Variants in RPS9 observed in about 807,000 individuals in gnomAD.
The protein encoded by RPS9 is ribosomal protein S9, also known as small ribosomal subunit protein uS4.
In RPS9, 1 loss-of-function variant was observed where a neutral mutation model predicts 16.9. That is an observed-to-expected ratio of 0.06 (90% CI 0.02 to 0.28). The LOEUF (loss-of-function observed/expected upper bound fraction) is 0.28, where lower values mean the gene tolerates loss of function less well. RPS9 is among the 10% of genes least tolerant of loss of function. The pLI, the probability that RPS9 is intolerant of heterozygous loss-of-function variation, is 1.00. For synonymous variants in RPS9, 106 were observed against 110.9 expected (o/e 0.96, Z 0.28); for missense variants, 137 against 273.2 (o/e 0.50, Z 3.51).
In RPS9 at chr19:54,201,285, A is replaced by G. The variant is rs758545331; in HGVS notation, c.97+4A>G. ...GACCAAGAGCTGAAGCTGATCGGTG[A>G]GTGGCCAAGGCTTCCGGGAAGTGGT... On this transcript the variant is annotated splice_donor_region_variant and intron_variant, in intron 2 of 4. Transcript: ENST00000302907. 7.4e-5 allele frequency: 120 copies of G among 1,613,956 alleles called. No homozygotes were observed. Among genetic ancestry groups the G allele is most frequent in the Admixed American group, 2.3e-4 (14 of 59,970 alleles).
At chr19:54,201,122 GTT>G in intron 1 of RPS9, 36 bp from the exon 2 acceptor site, 1 of 1,610,766 alleles carries the variant, frequency 6.2e-7, no homozygotes, top group Non-Finnish European at 8.5e-7. Flanking sequence ...CGCAGGCGCC[GTT>G]TGGATCCCTT....
chr19:54,201,784 C>T, intron 3 of RPS9, 175 bp downstream of exon 3: 1 of 1,375,232 alleles, frequency 7.3e-7, no homozygotes, highest in Non-Finnish European at 9.6e-7. Context: ...CAGTCTTTGC[C>T]CTGTTTCTTA....
At chr19:54,206,026 C>T (rs4294923) in intron 3 of RPS9, among the ~76,000 whole-genome samples, 15,116 of 152,160 alleles carry the variant, frequency 0.099, 791 homozygotes, top group Middle Eastern at 0.18. Flanking sequence ...CCATGTTGGC[C>T]GGGCTGGTCT....
rs146238313 is a variant in RPS9, at chr19:54,206,655, G to A, written c.407+193G>A. The A allele has an allele frequency of 1.6e-4, 241 of 1,549,132 alleles. 1 individual carries two copies. The highest frequency in any genetic ancestry group is 1.4e-3 in the African/African-American group (101 of 73,162). ...CAGCCTCTTGCCCCAATAGCCCAGC[G>A]CAAGGGTCACTGCGGCTCTAGCCGT... On this transcript the variant is annotated intron_variant, in intron 4 of 4. Transcript: ENST00000302907.
chr19:54,202,857 A>G, intron 3 of RPS9: 1 of 985,370 alleles, frequency 1.0e-6, no homozygotes, highest in Non-Finnish European at 1.2e-6. Flanking sequence ...AGGCTTGCAG[A>G]TGTTAGAAGC....
chr19:54,206,989 T>TTCTACA, intron 4 of RPS9: 1 of 434,186 alleles, frequency 2.3e-6, no homozygotes, highest in South Asian at 3.1e-5. Flanking sequence ...GCCTTGTGTG[T>TTCTACA]CAATGCTTTC....
intron 3 of RPS9, chr19:54,203,181 TAC>T: frequency 2.1e-6 from 2 of 931,502 alleles, no homozygotes; most frequent in Non-Finnish European, 2.6e-6. Context: ...CAATGAAACT[TAC>T]AGTCATGTGA....
chr19:54,207,420 A>C lies in RPS9; in HGVS notation c.430A>C (p.Ile144Leu). 1 of 1,613,310 alleles carries C rather than the reference A, an allele frequency of 6.2e-7. No individual in the cohort carries two copies. Among genetic ancestry groups the C allele is most frequent in the Non-Finnish European group, 8.5e-7 (1 of 1,179,582 alleles). Residue 144 changes from isoleucine to leucine, a missense_variant, in exon 5 of 5, where the codon ATC becomes CTC. Transcript: ENST00000302907. ...HIRVRKQVVNIPSFIVRLDSQ... is the reference protein window; with the variant it reads ...HIRVRKQVVNLPSFIVRLDSQ... Reference sequence around the variant, plus strand: ...CAGGGTCCGCAAGCAGGTGGTGAACATCCCGTCCTTCATTGTCCGCCTGGA... The same window carrying C: ...CAGGGTCCGCAAGCAGGTGGTGAACCTCCCGTCCTTCATTGTCCGCCTGGA...
At chr19:54,207,309 C>A in intron 4 of RPS9, 89 bp from the exon 5 acceptor site, 1 of 1,185,000 alleles carries the variant, frequency 8.4e-7, no homozygotes, top group Non-Finnish European at 1.2e-6. Flanking sequence ...GGCGGCCTCA[C>A]GGGGTGGGTG....
At chr19:54,201,872 G>A in intron 3 of RPS9, 1 of 591,732 alleles carries the variant, frequency 1.7e-6, no homozygotes, top group Non-Finnish European at 2.8e-6. Flanking sequence ...TGGCACACCT[G>A]GGCACCCGTC....
rs886523366 is a variant in RPS9 at position 54,203,375 on chromosome 19, G to C, written c.220+1766G>C. The C allele has an allele frequency of 1.2e-5, 11 of 914,588 alleles. No homozygotes were observed. In the African/African-American group the frequency reaches 1.8e-4, roughly 15 times the overall value. The allele number at this position is 914,588 out of a possible 1,614,324, so 56.7% of individuals were successfully genotyped here. A position where few individuals can be genotyped will look rare whatever the true frequency, so the allele number is the denominator to read the frequency against. On this transcript the variant is annotated intron_variant, in intron 3 of 4. Transcript: ENST00000302907. ...TTTGGTGTAATCCTGCCTTGATTCA[G>C]ATCCTGCCTTTCCCACTAAGATGTG...
At chr19:54,206,901 T>C (rs2077260871) in intron 4 of RPS9, 5 of 572,148 alleles carry the variant, frequency 8.7e-6, no homozygotes, top group Non-Finnish European at 1.5e-5. Context: ...GGGGAGGAGC[T>C]GTACAGAAAG....
intron 3 of RPS9, among the ~76,000 whole-genome samples, chr19:54,204,265 TCCCA>T (rs1285931469): frequency 6.6e-6 from 1 of 152,064 alleles, no homozygotes; most frequent in Non-Finnish European, 1.5e-5. Context: ...ATGCCTTTAA[TCCCA>T]GGCTGAGGCA....
chr19:54,202,661 A>G, intron 3 of RPS9: 2 of 985,464 alleles, frequency 2.0e-6, no homozygotes, highest in South Asian at 4.7e-5. Context: ...GCAGATTGGC[A>G]TGACCAAGAT....
chr19:54,205,010 T>C (rs1444681330), intron 3 of RPS9, among the ~76,000 whole-genome samples: 2 of 152,178 alleles, frequency 1.3e-5, no homozygotes, highest in Non-Finnish European at 2.9e-5. Context: ...TCTTTCAAAC[T>C]TTGCTTGGAG....
chr19:54,202,763 T>C (rs2077103674), intron 3 of RPS9: 1 of 985,328 alleles, frequency 1.0e-6, no homozygotes, highest in South Asian at 4.7e-5. Flanking sequence ...GAGCCCTGAC[T>C]GTTAGGCATG....
intron 3 of RPS9, among the ~76,000 whole-genome samples, chr19:54,203,989 G>A (rs1270626508): frequency 2.0e-5 from 3 of 152,218 alleles, no homozygotes; most frequent in Admixed American, 2.0e-4. Flanking sequence ...TTTGTTGAAG[G>A]TGTAAGGTTT....
chr19:54,202,756 C>T, intron 3 of RPS9: 1 of 985,406 alleles, frequency 1.0e-6, no homozygotes, highest in East Asian at 1.1e-4. Context: ...TACACCTGAG[C>T]CCTGACTGTT....
chr19:54,205,668 C>A (rs1003534766), intron 3 of RPS9, among the ~76,000 whole-genome samples: 1 of 151,978 alleles, frequency 6.6e-6, no homozygotes, highest in Admixed American at 6.6e-5. Flanking sequence ...CAGACTGAGT[C>A]CTTGTAAGGA....
Sources: allele counts gnomAD v4.1 joint callset (sites outside exome capture counted in the v4.1 genomes callset), GRCh38; gene constraint gnomAD v4.1.1; transcripts MANE v1.5; gene names NCBI Gene and HGNC (gene_info 2026-07-23, HGNC 2026-07-21).